The following MANBA variants were observed in gnomAD, a reference collection of about 807,000 sequenced individuals.
MANBA encodes beta-mannosidase.
Under a neutral mutation model 111.1 loss-of-function variants are expected in MANBA, and 83 were observed. The ratio of observed to expected loss-of-function variants is 0.75; its 90% CI spans 0.63 to 0.90. The LOEUF is 0.90. Among genes scored for constraint, MANBA ranks in the 40% least tolerant of loss-of-function variants. The pLI is 0.00. For missense variants in MANBA, 1,036 were observed against 1,069.0 expected (o/e 0.97, Z 0.43); for synonymous variants, 370 against 378.7 (o/e 0.98, Z 0.27).
chr4:102,721,220 G>C (rs1315303496), intron 4 of MANBA, among the ~76,000 whole-genome samples: 1 of 151,976 alleles, frequency 6.6e-6, no homozygotes, highest in Non-Finnish European at 1.5e-5. Context: ...GCTACTCAGG[G>C]GGCTGAGGCA....
intron 13 of MANBA, among the ~76,000 whole-genome samples, chr4:102,647,382 T>C (rs1730149010): frequency 6.6e-6 from 1 of 150,796 alleles, no homozygotes; most frequent in South Asian, 2.1e-4. Context: ...TGGCAACAAA[T>C]AACTCCACTT....
intron 9 of MANBA, among the ~76,000 whole-genome samples, chr4:102,670,197 CCTGT>C (rs753096185): frequency 1.3e-5 from 2 of 150,770 alleles, no homozygotes; most frequent in South Asian, 2.1e-4. Context: ...CCCAAAGCAG[CCTGT>C]CTGAGTCGGA....
At chr4:102,632,325 A>G (rs1729423303) in intron 16 of MANBA, 44 bp from the exon 17 acceptor site, 1 of 1,386,970 alleles carries the variant, frequency 7.2e-7, no homozygotes, top group South Asian at 1.2e-5. Context: ...GGATGAGGGA[A>G]GAGTTATATA....
chr4:102,721,730 A>C (rs1230035340), intron 4 of MANBA, among the ~76,000 whole-genome samples: 1 of 152,158 alleles, frequency 6.6e-6, no homozygotes, highest in Non-Finnish European at 1.5e-5. Context: ...TCAAACACAT[A>C]GAAAAGAGTA....
chr4:102,746,971 CAAAAAAA>C (rs575851183), intron 1 of MANBA, among the ~76,000 whole-genome samples: 17 of 91,916 alleles, frequency 1.8e-4, no homozygotes, highest in East Asian at 1.3e-3. Flanking sequence ...GACTCCATCT[CAAAAAAA>C]AAAAAAAAAG....
chr4:102,740,383 C>T (rs145371293), intron 1 of MANBA, among the ~76,000 whole-genome samples: 5,940 of 152,186 alleles, frequency 0.039, 411 homozygotes, highest in African/African-American at 0.14. Context: ...AAGCAATCTA[C>T]AAATTCAACT....
intron 5 of MANBA, among the ~76,000 whole-genome samples, chr4:102,712,937 C>A (rs1722145035): frequency 2.6e-5 from 4 of 152,158 alleles, no homozygotes; most frequent in Admixed American, 6.5e-5. Flanking sequence ...TAGCGAAAAT[C>A]TTTAGTTGGA....
intron 1 of MANBA, chr4:102,728,518 G>C: frequency 2.6e-6 from 1 of 377,758 alleles, no homozygotes; most frequent in Non-Finnish European, 5.0e-6. Flanking sequence ...TATAAGGTTA[G>C]CTGTTGGCAG....
At chr4:102,703,529 G>T (rs374879009) in intron 5 of MANBA, among the ~76,000 whole-genome samples, 1 of 152,244 alleles carries the variant, frequency 6.6e-6, no homozygotes, top group East Asian at 1.9e-4. Context: ...TGCAACCTCT[G>T]GCTCCAAGAG....
intron 12 of MANBA, among the ~76,000 whole-genome samples, chr4:102,657,479 C>T (rs973267502): frequency 4.6e-5 from 7 of 152,166 alleles, no homozygotes; most frequent in Non-Finnish European, 8.8e-5. Flanking sequence ...TCAGTGCTTT[C>T]GGTGCTCCTG....
At chr4:102,698,804 T>C (rs1299085623) in intron 5 of MANBA, among the ~76,000 whole-genome samples, 3,948 of 150,774 alleles carry the variant, frequency 0.026, 109 homozygotes, top group African/African-American at 0.073. Flanking sequence ...GCCTCCAGCT[T>C]TGTTCTTTTG....
chr4:102,638,341 G>A (rs1340434858), intron 14 of MANBA, among the ~76,000 whole-genome samples: 1 of 152,088 alleles, frequency 6.6e-6, no homozygotes. Context: ...TGGGAGGAAG[G>A]CTTGAGCCTG....
intron 4 of MANBA, among the ~76,000 whole-genome samples, chr4:102,720,401 C>T (rs563743899): frequency 1.3e-5 from 2 of 148,184 alleles, no homozygotes; most frequent in Non-Finnish European, 3.0e-5. Flanking sequence ...TGCCACTGCA[C>T]TCCAGCCTGG....
At position 102,664,686 on chromosome 4, in the gene MANBA, G is replaced by C; in HGVS notation, c.1484C>G (p.Ala495Gly). ...ACTGCATTAAAAATCATTACTTACT[G>C]CCAGTACGAGCTCTCTGATGTTTTT... ...YVKNIRELVL[A>G]GDKSRPFITS... Residue 495 changes from alanine to glycine, a missense_variant and splice_region_variant, in exon 11 of 17, where the codon GCA becomes GGA. Transcript: ENST00000647097. 2.5e-6 allele frequency: 4 copies of C among 1,610,240 alleles called. No homozygotes were observed. The highest frequency in any genetic ancestry group is 3.4e-6 in the Non-Finnish European group (4 of 1,176,418).
intron 11 of MANBA, among the ~76,000 whole-genome samples, chr4:102,662,219 T>C (rs1730988419): frequency 6.6e-6 from 1 of 152,118 alleles, no homozygotes; most frequent in South Asian, 2.1e-4. Flanking sequence ...ATGATGATGA[T>C]GATGATGACG....
intron 5 of MANBA, among the ~76,000 whole-genome samples, chr4:102,708,244 A>G (rs528695710): frequency 1.3e-5 from 2 of 152,302 alleles, no homozygotes; most frequent in East Asian, 3.9e-4. Flanking sequence ...AGAATAGATA[A>G]TATGTTAGGC....
At chr4:102,649,841 T>G (rs1730253995) in intron 13 of MANBA, among the ~76,000 whole-genome samples, 1 of 152,202 alleles carries the variant, frequency 6.6e-6, no homozygotes, top group South Asian at 2.1e-4. Context: ...CTATTCCATG[T>G]TTTCTCGAAG....
intron 1 of MANBA, among the ~76,000 whole-genome samples, chr4:102,749,410 T>C (rs1432768713): frequency 2.0e-5 from 3 of 152,198 alleles, no homozygotes; most frequent in Non-Finnish European, 4.4e-5. Context: ...AGAAGTGATA[T>C]ATGAATTAAC....
intron 7 of MANBA, among the ~76,000 whole-genome samples, chr4:102,683,874 C>T (rs866172960): frequency 1.3e-5 from 2 of 152,100 alleles, no homozygotes; most frequent in African/African-American, 2.4e-5. Context: ...TATTACCTCC[C>T]TTCTTGCTTA....
Sources: allele counts gnomAD v4.1 joint callset (sites outside exome capture counted in the v4.1 genomes callset), GRCh38; gene constraint gnomAD v4.1.1; transcripts MANE v1.5; gene names NCBI Gene and HGNC (gene_info 2026-07-23, HGNC 2026-07-21).